The following BEST3 variants were observed in gnomAD, a reference collection of about 807,000 sequenced individuals.
BEST3 encodes the protein bestrophin 3.
Under a neutral mutation model 47.1 loss-of-function variants are expected in BEST3, and 50 were observed. The ratio of observed to expected loss-of-function variants is 1.06; its 90% confidence interval spans 0.85 to 1.34. The LOEUF is 1.34. Ranked by LOEUF, BEST3 falls within the 40% of genes most tolerant of loss-of-function variation. BEST3 has a pLI of 0.00. For missense variants in BEST3, 765 were observed against 817.0 expected (o/e 0.94, Z 0.78); for synonymous variants, 282 against 298.8 (o/e 0.94, Z 0.58).
intron 9 of BEST3, among the ~76,000 whole-genome samples, chr12:69,658,226 T>A (rs893680091): frequency 2.0e-5 from 3 of 152,226 alleles, no homozygotes; most frequent in African/African-American, 7.2e-5. Context: ...TGCAATCTTG[T>A]AAGAAAGACA....
chr12:69,670,740 A>G (rs772039311), intron 9 of BEST3, among the ~76,000 whole-genome samples: 19 of 151,958 alleles, frequency 1.3e-4, no homozygotes, highest in Non-Finnish European at 2.6e-4. Flanking sequence ...AAATTCCACA[A>G]AAGTTTCCCC....
At chr12:69,658,442 T>C in intron 9 of BEST3, among the ~76,000 whole-genome samples, 1 of 152,188 alleles carries the variant, frequency 6.6e-6, no homozygotes, top group East Asian at 1.9e-4. Flanking sequence ...GTTGGACTGA[T>C]TCATAACTGA....
chr12:69,670,636 G>A, intron 9 of BEST3: 1 of 691,498 alleles, frequency 1.4e-6, no homozygotes, highest in Non-Finnish European at 2.6e-6. Flanking sequence ...AAGGGTCATA[G>A]GCAGCAACCA....
At chr12:69,651,087 A>AG (rs1883193936), downstream of BEST3, among the ~76,000 whole-genome samples, 1 of 152,154 alleles carries the variant, frequency 6.6e-6, no homozygotes. Context: ...CTCTAAAAAA[A>AG]GAAGGAAAGC....
Position 69,653,858 on chromosome 12 carries a change from G to A in BEST3, c.*1049C>T. 7.1e-6 allele frequency: 7 copies of A among 985,456 alleles called. No individual in the cohort carries two copies. The highest frequency in any genetic ancestry group is 4.8e-6 in the Non-Finnish European group (4 of 829,946). 61.0% of individuals were successfully genotyped at this position (985,456 alleles called of 1,614,324 possible). A position where few individuals can be genotyped will look rare whatever the true frequency, so the allele number is the denominator to read the frequency against. On this transcript the variant is annotated 3_prime_UTR_variant, in exon 10 of 10. Coordinates refer to ENST00000330891, the MANE Select transcript of BEST3 (RefSeq NM_032735.3). ...CCCGATAGACACAGTAACTGGTCCC[G>A]TGTTGCGACACGATTAGGATTTTTG...
At position 69,655,783 on chromosome 12, in the gene BEST3, C is replaced by T; in HGVS notation, c.1131G>A (p.Glu377=). Residue 377 remains glutamate, a synonymous_variant, in exon 10 of 10, where the codon GAG becomes GAA. Coordinates refer to ENST00000330891, the MANE Select transcript of BEST3 (RefSeq NM_032735.3). ...GLSGSDFPDE[E]WLWDYEKHGH... ...CATGCTTCTCATAATCCCACAGCCA[C>T]TCCTCGTCAGGAAAGTCGGACCCAG... 1 of 1,610,982 alleles carries T rather than the reference C, an allele frequency of 6.2e-7. No homozygotes were observed. Among genetic ancestry groups the T allele is most frequent in the South Asian group, 1.1e-5 (1 of 91,034 alleles).
intron 9 of BEST3, among the ~76,000 whole-genome samples, chr12:69,666,579 C>T (rs1011948131): frequency 1.3e-5 from 2 of 152,182 alleles, no homozygotes; most frequent in Non-Finnish European, 2.9e-5. Flanking sequence ...CTCTGACTAC[C>T]CTTTTCCTCT....
chr12:69,647,745 T>G (rs929525787), intron 9 of BEST3, among the ~76,000 whole-genome samples: 3 of 152,096 alleles, frequency 2.0e-5, no homozygotes, highest in African/African-American at 7.2e-5. Context: ...ACAAAAAAAT[T>G]GATGAATTTG....
chr12:69,668,691 TGGACGGGGC>T (rs1565828413), intron 9 of BEST3, among the ~76,000 whole-genome samples: 3 of 152,240 alleles, frequency 2.0e-5, no homozygotes, highest in African/African-American at 7.2e-5. Context: ...TCCATATGGT[TGGACGGGGC>T]TGACTATAAC....
chr12:69,652,439 A>G (rs1341924283), downstream of BEST3, among the ~76,000 whole-genome samples: 1 of 152,206 alleles, frequency 6.6e-6, no homozygotes, highest in African/African-American at 2.4e-5. Context: ...TTTAGAATTA[A>G]TAGAGAATTT....
intron 9 of BEST3, among the ~76,000 whole-genome samples, chr12:69,647,421 C>T (rs1355430604): frequency 1.3e-5 from 2 of 152,168 alleles, no homozygotes; most frequent in Non-Finnish European, 2.9e-5. Flanking sequence ...GAAGGGCAGG[C>T]ATTTGGAAGG....
chr12:69,668,353 AC>A (rs1443598139), intron 9 of BEST3, among the ~76,000 whole-genome samples: 6 of 152,222 alleles, frequency 3.9e-5, no homozygotes, highest in Admixed American at 1.3e-4. Context: ...TTATATGGTC[AC>A]CAAGAGGCAG....
chr12:69,652,890 GGCTCTT>G (rs1565818389), downstream of BEST3, among the ~76,000 whole-genome samples: 1 of 152,180 alleles, frequency 6.6e-6, no homozygotes, highest in Non-Finnish European at 1.5e-5. Context: ...GTGTTATATT[GGCTCTT>G]GATCCCATAG....
At chr12:69,684,982 TTC>T (rs2136012388) in intron 4 of BEST3, among the ~76,000 whole-genome samples, 1 of 21,830 alleles carries the variant, frequency 4.6e-5, no homozygotes, top group East Asian at 1.2e-3. Context: ...CTTTCTGCTG[TTC>T]TATTCTATTC....
At chr12:69,673,199 G>C (rs1164193919) in intron 7 of BEST3, among the ~76,000 whole-genome samples, 1 of 152,142 alleles carries the variant, frequency 6.6e-6, no homozygotes, top group Non-Finnish European at 1.5e-5. Flanking sequence ...CCATTCAACT[G>C]GTGACAATGC....
chr12:69,647,062 C>A (rs532971311), intron 9 of BEST3, among the ~76,000 whole-genome samples: 1 of 152,142 alleles, frequency 6.6e-6, no homozygotes, highest in Non-Finnish European at 1.5e-5. Context: ...ATCTTTGAGG[C>A]GTAAAGGGGA....
Position 69,655,400 on chromosome 12 carries a change from A to G in BEST3, c.1514T>C (p.Ile505Thr). The G allele has an allele frequency of 1.2e-6, 2 of 1,614,158 alleles. No individual in the cohort carries two copies. The highest frequency in any genetic ancestry group is 2.2e-5 in the South Asian group (2 of 91,080). Residue 505 changes from isoleucine (I) to threonine (T), a missense_variant, in exon 10 of 10, where the codon ATC becomes ACC. By Grantham distance (89) the Ile-to-Thr change is moderately conservative. Coordinates refer to ENST00000330891, the MANE Select transcript of BEST3 (RefSeq NM_032735.3). ...GGGCACTGGTGCTTCGGCTGCTGTG[A>G]TCAATACCTCAGGTACCAGTGGCAT... ...IKMPLVPEVL[I>T]TAAEAPVPTS...
At chr12:69,666,916 T>C (rs1565827515) in intron 9 of BEST3, among the ~76,000 whole-genome samples, 1 of 152,220 alleles carries the variant, frequency 6.6e-6, no homozygotes, top group African/African-American at 2.4e-5. Context: ...TCTACATCCC[T>C]TGTGATACAC....
In BEST3 at chr12:69,654,404, TG is replaced by T. The variant is rs1883329415; in HGVS notation, c.*502del. 2.0e-6 allele frequency: 2 copies of T among 985,608 alleles called. No individual in the cohort carries two copies. Among genetic ancestry groups the T allele is most frequent in the African/African-American group, 3.5e-5 (2 of 57,182 alleles). 61.1% of individuals were successfully genotyped at this position (985,608 alleles called of 1,614,324 possible). ...AATAGTTATAAAAGTAGGAATGAGA[TG>T]GTTAGAAAGCCTCAAACAAAAACGT... On this transcript the variant is annotated 3_prime_UTR_variant, in exon 10 of 10. Coordinates refer to ENST00000330891, the MANE Select transcript of BEST3 (RefSeq NM_032735.3).
Sources: allele counts gnomAD v4.1 joint callset (sites outside exome capture counted in the v4.1 genomes callset), GRCh38; gene constraint gnomAD v4.1.1; transcripts MANE v1.5; gene names NCBI Gene and HGNC (gene_info 2026-07-23, HGNC 2026-07-21).